The following SHROOM2 variants were observed in gnomAD, a reference collection of about 807,000 sequenced individuals.
SHROOM2 encodes the protein shroom family member 2.
SHROOM2 carries 33 observed loss-of-function variants against 75.9 expected under a neutral mutation model. The ratio of observed to expected loss-of-function variants is 0.43; its 90% CI spans 0.33 to 0.58. The LOEUF (loss-of-function observed/expected upper bound fraction) is 0.58. SHROOM2 is among the 20% of genes least tolerant of loss of function. The probability of loss-of-function intolerance (pLI) is 0.04; values close to 1 mark genes in which losing one functional copy is unlikely to be tolerated. For synonymous variants in SHROOM2, 655 were observed against 663.6 expected, an observed-to-expected ratio of 0.99 and a Z score of 0.20; for missense variants, 1,434 against 1,461.2, an observed-to-expected ratio of 0.98 and a Z score of 0.30.
intron 6 of SHROOM2, among the ~76,000 whole-genome samples, chrX:9,934,819 A>G (rs1043806504): frequency 9.0e-5 from 10 of 111,014 alleles, no homozygotes; most frequent in African/African-American, 2.3e-4. Flanking sequence ...TATCATTATT[A>G]TTCCCTGTCG....
chrX:9,858,241 G>A (rs936724861), intron 1 of SHROOM2, among the ~76,000 whole-genome samples: 10 of 111,647 alleles, frequency 9.0e-5, no homozygotes, highest in Admixed American at 3.8e-4. Context: ...CCTCCCTGAC[G>A]TTGCACGGCG....
intron 1 of SHROOM2, 118 bp from the exon 2 acceptor site, chrX:9,873,534 C>A: frequency 1.2e-6 from 1 of 836,923 alleles, no homozygotes; most frequent in South Asian, 2.4e-5. Context: ...GTAATAAGGT[C>A]AGCCCCCAGG....
intron 1 of SHROOM2, chrX:9,818,298 G>A (rs1380570830): frequency 9.2e-6 from 2 of 217,761 alleles, no homozygotes; most frequent in Non-Finnish European, 1.9e-5. Context: ...TCAACTTTAG[G>A]TACACTGGCA....
intron 1 of SHROOM2, among the ~76,000 whole-genome samples, chrX:9,788,292 T>C (rs908141461): frequency 1.2e-4 from 13 of 107,426 alleles, no homozygotes; most frequent in African/African-American, 4.0e-4. Flanking sequence ...TTTTTTTTTT[T>C]CCACTTGTAA....
At chrX:9,848,185 T>C (rs774819265) in intron 1 of SHROOM2, among the ~76,000 whole-genome samples, 22 of 111,998 alleles carry the variant, frequency 2.0e-4, no homozygotes, top group African/African-American at 5.2e-4. Context: ...GCTATTGATA[T>C]GTTGCTGAAG....
chrX:9,874,940 G>A (rs1268215019), intron 2 of SHROOM2, among the ~76,000 whole-genome samples: 4 of 104,813 alleles, frequency 3.8e-5, no homozygotes, highest in Non-Finnish European at 7.8e-5. Context: ...AATTAGCTGG[G>A]CATGATGATG....
chrX:9,898,440 C>T (rs748824568), intron 5 of SHROOM2, 150 bp downstream of exon 5: 2 of 473,708 alleles, frequency 4.2e-6, no homozygotes, highest in East Asian at 3.7e-5. Context: ...GCATCCCTGA[C>T]GTACTGGAGG....
At chrX:9,884,368 C>CTTCTTTTTTTTTT (rs1372366663) in intron 2 of SHROOM2, among the ~76,000 whole-genome samples, 8 of 62,298 alleles carry the variant, frequency 1.3e-4, no homozygotes, top group Admixed American at 1.9e-4. Flanking sequence ...TTTTTCTTTT[C>CTTCTTTTTTTTTT]TTTTTTTTTT....
intron 1 of SHROOM2, among the ~76,000 whole-genome samples, chrX:9,808,456 A>G (rs2083769638): frequency 9.2e-6 from 1 of 109,040 alleles, no homozygotes. Context: ...CTGAGGCTGG[A>G]GGATTTGGCT....
At position 9,819,366 on chromosome X, in the gene SHROOM2, A is replaced by G. The variant is rs142409012; in HGVS notation, c.165+32656A>G. The G allele has an allele frequency of 9.7e-4, 464 of 476,040 alleles. 1 individual carries two copies. The African/African-American group carries it at 0.01, about 10-fold the overall frequency. 39.2% of individuals were successfully genotyped at this position (476,040 alleles called of 1,213,427 possible). On this transcript the variant is annotated intron_variant, in intron 1 of 9. Transcript: ENST00000380913. ...CTTTGCAGTGTCAGTCATGTTGACT[A>G]TAACTGTCTTGATTCCATTTCCTTT...
At chrX:9,865,862 C>T (rs970659079) in intron 1 of SHROOM2, among the ~76,000 whole-genome samples, 7 of 110,439 alleles carry the variant, frequency 6.3e-5, no homozygotes, top group African/African-American at 2.3e-4. Context: ...GCCTGGCCTC[C>T]TGCTGCCTTT....
chrX:9,896,801 C>G (rs773158749), intron 4 of SHROOM2, 103 bp downstream of exon 4: 58 of 902,786 alleles, frequency 6.4e-5, no homozygotes, highest in Non-Finnish European at 8.6e-5. Context: ...TCCAGCTGTG[C>G]GAGCATTTAC....
At chrX:9,860,844 T>C (rs1226974557) in intron 1 of SHROOM2, among the ~76,000 whole-genome samples, 1 of 112,132 alleles carries the variant, frequency 8.9e-6, no homozygotes, top group Non-Finnish European at 1.9e-5. Flanking sequence ...AGTGGAATAT[T>C]GCTCAGCCTC....
intron 1 of SHROOM2, among the ~76,000 whole-genome samples, chrX:9,789,089 G>A (rs1206231565): frequency 9.0e-6 from 1 of 111,474 alleles, no homozygotes. Context: ...TTCCTCCCAC[G>A]CGTTGGCCCT....
chrX:9,805,903 CA>C (rs34172058), intron 1 of SHROOM2, among the ~76,000 whole-genome samples: 5,303 of 51,750 alleles, frequency 0.1, 252 homozygotes, highest in African/African-American at 0.21. Flanking sequence ...AACTGTGTCT[CA>C]AAAAAAAAAA....
At chrX:9,849,056 G>A (rs896283777) in intron 1 of SHROOM2, among the ~76,000 whole-genome samples, 4 of 111,819 alleles carry the variant, frequency 3.6e-5, no homozygotes, top group African/African-American at 6.5e-5. Context: ...GCACTGTGTC[G>A]GAAACCGAGC....
chrX:9,872,225 T>C (rs1040215429), intron 1 of SHROOM2, among the ~76,000 whole-genome samples: 1 of 112,573 alleles, frequency 8.9e-6, no homozygotes, highest in African/African-American at 3.2e-5. Context: ...AATGAATTGC[T>C]GTTGAGTTCT....
chrX:9,858,475 C>T (rs1196859766), intron 1 of SHROOM2, among the ~76,000 whole-genome samples: 3 of 112,472 alleles, frequency 2.7e-5, no homozygotes, highest in Admixed American at 9.4e-5. Flanking sequence ...TCTGTTTAAG[C>T]GGGTGCTTCA....
chrX:9,840,386 G>C (rs769605593), intron 1 of SHROOM2, among the ~76,000 whole-genome samples: 1 of 111,507 alleles, frequency 9.0e-6, no homozygotes, highest in East Asian at 2.8e-4. Flanking sequence ...TCCCACCTCA[G>C]CTCCCCAAGT....
Sources: allele counts gnomAD v4.1 joint callset (sites outside exome capture counted in the v4.1 genomes callset), GRCh38; gene constraint gnomAD v4.1.1; transcripts MANE v1.5; gene names NCBI Gene and HGNC (gene_info 2026-07-23, HGNC 2026-07-21).